The following DLG5 variants were observed in gnomAD, a reference collection of about 807,000 sequenced individuals.
DLG5 encodes disks large homolog 5.
DLG5 carries 48 observed loss-of-function variants against 189.8 expected under a neutral mutation model. The observed-to-expected ratio is 0.25, with a 90% CI of 0.20 to 0.32. The LOEUF (loss-of-function observed/expected upper bound fraction) is 0.32. DLG5 is among the 10% of genes least tolerant of loss of function. DLG5 has a pLI of 1.00. For synonymous variants in DLG5, 1,016 were observed against 1,054.1 expected, an observed-to-expected ratio of 0.96 and a Z score of 0.70; for missense variants, 2,160 against 2,544.7, an observed-to-expected ratio of 0.85 and a Z score of 3.25.
At chr10:77,835,702 G>A in intron 8 of DLG5, 36 bp downstream of exon 8, 1 of 1,576,426 alleles carries the variant, frequency 6.3e-7, no homozygotes, top group South Asian at 1.1e-5. Context: ...ATCCTGGGGA[G>A]ACGCAAGCCC....
rs540610668 is a variant in DLG5 at position 77,801,209 on chromosome 10, C to T, written c.5164+4456G>A. 9.9e-5 allele frequency among the ~76,000 whole-genome samples: 15 copies of T among 152,246 alleles called. No homozygotes were observed. The South Asian group carries it at 2.9e-3, about 30-fold the overall frequency. On this transcript the variant is annotated intron_variant, in intron 27 of 31. Coordinates refer to ENST00000372391, the MANE Select transcript of DLG5 (RefSeq NM_004747.4). ...ACGCAGTCTTTACAAACATATGATTCAAGTATTTAAGAGGACAGATGACAA... is the reference window on the plus strand; with the variant it reads ...ACGCAGTCTTTACAAACATATGATTTAAGTATTTAAGAGGACAGATGACAA...
At chr10:77,876,792 G>C (rs1845112769) in intron 1 of DLG5, among the ~76,000 whole-genome samples, 1 of 150,836 alleles carries the variant, frequency 6.6e-6, no homozygotes, top group African/African-American at 2.4e-5. Context: ...CAGATAATTG[G>C]AGATTTAACC....
intron 2 of DLG5, among the ~76,000 whole-genome samples, chr10:77,860,059 GGGAGGTT>G (rs1341278990): frequency 6.6e-6 from 1 of 152,168 alleles, no homozygotes; most frequent in Non-Finnish European, 1.5e-5. Context: ...CAAGCCCAGG[GGGAGGTT>G]ATGTTCCAGG....
At chr10:77,912,957 A>T (rs570410836) in intron 1 of DLG5, among the ~76,000 whole-genome samples, 21 of 152,308 alleles carry the variant, frequency 1.4e-4, no homozygotes, top group African/African-American at 4.6e-4. Context: ...GAGGAGCCTC[A>T]AGAAGGCCAC....
chr10:77,878,367 A>G (rs1378714098), intron 1 of DLG5, among the ~76,000 whole-genome samples: 1 of 152,222 alleles, frequency 6.6e-6, no homozygotes, highest in Non-Finnish European at 1.5e-5. Flanking sequence ...GAAAGCCCTT[A>G]GAACAGAGCC....
intron 23 of DLG5, among the ~76,000 whole-genome samples, chr10:77,810,407 G>A (rs920921585): frequency 2.6e-5 from 4 of 152,192 alleles, no homozygotes; most frequent in Non-Finnish European, 4.4e-5. Flanking sequence ...CCCAGGGCTT[G>A]GTGAAGGCCT....
chr10:77,903,299 G>A (rs758707399), intron 1 of DLG5, among the ~76,000 whole-genome samples: 10 of 152,070 alleles, frequency 6.6e-5, no homozygotes, highest in South Asian at 2.1e-4. Context: ...GTGGTGGCAC[G>A]TGCCTGTAGT....
Position 77,926,466 on chromosome 10 carries a change from C to G in DLG5, c.55G>C (p.Ala19Pro). 6.5e-7 allele frequency: 1 copy of G among 1,530,758 alleles called. No homozygotes were observed. Among genetic ancestry groups the G allele is most frequent in the Non-Finnish European group, 8.8e-7 (1 of 1,141,210 alleles). The allele number at this position is 1,530,758 out of a possible 1,614,324, so 94.8% of individuals were successfully genotyped here. ...LAQCQQSLAQAMTEVEAVLGL... is the reference protein window; with the variant it reads ...LAQCQQSLAQPMTEVEAVLGL... Reference sequence around the variant, plus strand: ...AGCACGGCTTCCACCTCCGTCATGGCCTGGGCCAGGCTCTGCTGACACTGG... The same window carrying G: ...AGCACGGCTTCCACCTCCGTCATGGGCTGGGCCAGGCTCTGCTGACACTGG... Residue 19 changes from alanine to proline, a missense_variant, in exon 1 of 32, where the codon GCC (alanine) becomes CCC (proline). Physicochemically the swap from Ala to Pro is conservative, Grantham distance 27. Around this residue, in one of 5 missense-constraint regions of DLG5, gnomAD observed 664 missense variants for 838.5 expected, o/e 0.79. Transcript: ENST00000372391. The surrounding 1 kb of genome is among the most constrained non-coding windows in gnomAD (Gnocchi z 5.2).
chr10:77,792,579 A>C, intron 31 of DLG5, 36 bp from the exon 32 acceptor site: 17 of 1,598,386 alleles, frequency 1.1e-5, no homozygotes, highest in Non-Finnish European at 1.3e-5. Flanking sequence ...CATTCAGCTC[A>C]GAGTAAGACC....
chr10:77,835,849 G>T lies in DLG5; in HGVS notation c.1511C>A (p.Ala504Asp), dbSNP rs754048378. The change falls in exon 8 of 32, where the codon GCT (alanine) becomes GAT (aspartate). Residue 504 changes from alanine to aspartate, a missense_variant. Around this residue, in one of 5 missense-constraint regions of DLG5, gnomAD observed 664 missense variants for 838.5 expected, o/e 0.79. Transcript: ENST00000372391. ...EVEILRKQCK[A>D]LCQELKEALQ... ...GGCTTCCTTCAGCTCCTGGCACAGA[G>T]CCTTGCACTGCTTTCGAAGGATTTC... The T allele has an allele frequency of 6.2e-7, 1 of 1,614,078 alleles. No individual in the cohort carries two copies. Among genetic ancestry groups the T allele is most frequent in the Non-Finnish European group, 8.5e-7 (1 of 1,179,966 alleles).
At chr10:77,860,017 C>T (rs1292412573) in intron 2 of DLG5, among the ~76,000 whole-genome samples, 2 of 152,320 alleles carry the variant, frequency 1.3e-5, no homozygotes, top group East Asian at 3.9e-4. Context: ...AGTGGAGCTT[C>T]CTTTGAACGT....
chr10:77,794,373 T>C (rs1840798846), intron 30 of DLG5, among the ~76,000 whole-genome samples: 1 of 152,116 alleles, frequency 6.6e-6, no homozygotes, highest in Admixed American at 6.5e-5. Flanking sequence ...TCCCAGAAGC[T>C]CAGCAGCACA....
At chr10:77,887,076 A>C (rs1302499629) in intron 1 of DLG5, among the ~76,000 whole-genome samples, 1 of 152,110 alleles carries the variant, frequency 6.6e-6, no homozygotes, top group Non-Finnish European at 1.5e-5. Flanking sequence ...CCATTTACCC[A>C]TGCTCTGTGC....
chr10:77,817,771 A>G lies in DLG5; in HGVS notation c.3784+6T>C. ...CTGCAGCACAAAGTCCAAGTGGTGCAGTTACCCAGGCGGGCGCTGGAGGGC... is the reference window on the plus strand; with the variant it reads ...CTGCAGCACAAAGTCCAAGTGGTGCGGTTACCCAGGCGGGCGCTGGAGGGC... On this transcript the variant is annotated splice_donor_region_variant and intron_variant, in intron 18 of 31. Transcript: ENST00000372391. The G allele has an allele frequency of 6.4e-7, 1 of 1,551,938 alleles. No homozygotes were observed. Among genetic ancestry groups the G allele is most frequent in the Non-Finnish European group, 8.7e-7 (1 of 1,146,768 alleles).
In DLG5 at chr10:77,850,462, G is replaced by A. The variant is rs550188645; in HGVS notation, c.864+2892C>T. On this transcript the variant is annotated intron_variant, in intron 5 of 31. Transcript: ENST00000372391. ...CATTCATCGGTCAGTAGACCTTTGGGTTGTTACCGGTTTTGGGCTGCTATG... is the reference window on the plus strand; with the variant it reads ...CATTCATCGGTCAGTAGACCTTTGGATTGTTACCGGTTTTGGGCTGCTATG... 5.9e-5 allele frequency among the ~76,000 whole-genome samples: 9 copies of A among 152,288 alleles called. No individual in the cohort carries two copies. The East Asian group carries it at 1.7e-3, about 29-fold the overall frequency.
intron 27 of DLG5, among the ~76,000 whole-genome samples, chr10:77,801,708 TGGTGGTGGACG>T: frequency 6.6e-6 from 1 of 152,188 alleles, no homozygotes; most frequent in South Asian, 2.1e-4. Flanking sequence ...TACCCACTCA[TGGTGGTGGACG>T]GGTGGTGGCA....
upstream of DLG5, among the ~76,000 whole-genome samples, chr10:77,930,024 C>T (rs1422689277): frequency 6.6e-6 from 1 of 152,192 alleles, no homozygotes; most frequent in East Asian, 1.9e-4. Flanking sequence ...CTACTTTCTT[C>T]TGGTCTTAGA....
intron 16 of DLG5, 65 bp from the exon 17 acceptor site, chr10:77,819,530 C>T (rs1842230576): frequency 6.5e-7 from 1 of 1,544,672 alleles, no homozygotes; most frequent in Non-Finnish European, 8.7e-7. Context: ...CTTACACAAG[C>T]CTTTCCCCTG....
chr10:77,865,966 C>G (rs753538232), intron 2 of DLG5, among the ~76,000 whole-genome samples: 7 of 152,174 alleles, frequency 4.6e-5, no homozygotes, highest in African/African-American at 7.2e-5. Flanking sequence ...CATTGTTTTC[C>G]CAGCCGTTTC....
Sources: allele counts gnomAD v4.1 joint callset (sites outside exome capture counted in the v4.1 genomes callset), GRCh38; gene constraint gnomAD v4.1.1; regional missense constraint gnomAD v4.1.1; non-coding constraint Gnocchi (gnomAD v3.1); transcripts MANE v1.5; gene names NCBI Gene and HGNC (gene_info 2026-07-23, HGNC 2026-07-21).